PDE1C: variants seen among roughly 807,000 people sequenced by gnomAD.
PDE1C encodes the protein phosphodiesterase 1C.
Under a neutral mutation model 93.1 loss-of-function variants are expected in PDE1C, and 62 were observed. The ratio of observed to expected loss-of-function variants is 0.67; its 90% CI spans 0.54 to 0.82. The LOEUF (loss-of-function observed/expected upper bound fraction) is 0.82, where lower values mean the gene tolerates loss of function less well. Ranked by LOEUF, PDE1C falls within the 40% of genes least tolerant of loss-of-function variation. PDE1C has a pLI of 0.00. For synonymous variants in PDE1C, 325 were observed against 310.1 expected, an observed-to-expected ratio of 1.05 and a Z score of -0.50; for missense variants, 742 against 884.6, an observed-to-expected ratio of 0.84 and a Z score of 2.04.
intron 2 of PDE1C, among the ~76,000 whole-genome samples, chr7:32,019,193 G>T (rs936651141): frequency 6.6e-5 from 10 of 150,574 alleles, no homozygotes; most frequent in Non-Finnish European, 1.3e-4. Context: ...AAAGTCCAAG[G>T]TCCCTGGAAG....
chr7:32,318,681 A>G (rs893373527), intron 1 of PDE1C, among the ~76,000 whole-genome samples: 3 of 152,196 alleles, frequency 2.0e-5, no homozygotes, highest in African/African-American at 7.2e-5. Flanking sequence ...ACATGGGTGA[A>G]GGGCTGCGCG....
chr7:31,954,032 C>T (rs115113321), intron 2 of PDE1C, among the ~76,000 whole-genome samples: 9,665 of 152,256 alleles, frequency 0.063, 525 homozygotes, highest in African/African-American at 0.15. Context: ...GTAAGCAAAA[C>T]TCATGAATAT....
intron 2 of PDE1C, among the ~76,000 whole-genome samples, chr7:31,972,147 A>G (rs1202252860): frequency 6.6e-6 from 1 of 152,234 alleles, no homozygotes; most frequent in Non-Finnish European, 1.5e-5. Context: ...CTTATTTGCC[A>G]ATGATAATTT....
At chr7:32,289,695 A>G (rs932268069) in intron 1 of PDE1C, among the ~76,000 whole-genome samples, 3 of 152,160 alleles carry the variant, frequency 2.0e-5, no homozygotes, top group African/African-American at 7.2e-5. Context: ...GACCTTGAGC[A>G]AGTCACTTCT....
chr7:32,053,568 A>G lies in PDE1C; in HGVS notation c.102-1988T>C, dbSNP rs529097192. 1.1e-3 allele frequency among the ~76,000 whole-genome samples: 164 copies of G among 152,310 alleles called. 4 individuals carry two copies. In the South Asian group the frequency reaches 0.032, roughly 30 times the overall value. Reference sequence around the variant, plus strand: ...GGACCAAAGGCAAGGAGGCAGTTGGAAAAGAAGAATGCCCCTAGCCTCTAC... The same window carrying G: ...GGACCAAAGGCAAGGAGGCAGTTGGGAAAGAAGAATGCCCCTAGCCTCTAC... On this transcript the variant is annotated intron_variant, in intron 1 of 17. Coordinates refer to ENST00000396191, the MANE Select transcript of PDE1C (RefSeq NM_001191057.4).
intron 2 of PDE1C, among the ~76,000 whole-genome samples, chr7:31,934,559 T>TAAA (rs1804762152): frequency 1.5e-5 from 1 of 66,532 alleles, no homozygotes. Context: ...GCACCACCAA[T>TAAA]ACAAAAAAAA....
intron 1 of PDE1C, among the ~76,000 whole-genome samples, chr7:32,410,294 G>A (rs950592860): frequency 5.3e-5 from 8 of 151,506 alleles, no homozygotes; most frequent in Admixed American, 4.6e-4. Flanking sequence ...TCATGCTACT[G>A]CACTCCAGCC....
chr7:32,040,649 A>G (rs1791697035), intron 2 of PDE1C, among the ~76,000 whole-genome samples: 1 of 152,224 alleles, frequency 6.6e-6, no homozygotes, highest in African/African-American at 2.4e-5. Flanking sequence ...AGTGTTGTTT[A>G]CTCTGTGATA....
intron 1 of PDE1C, among the ~76,000 whole-genome samples, chr7:32,335,772 A>C (rs1445672146): frequency 6.6e-6 from 1 of 152,082 alleles, no homozygotes; most frequent in African/African-American, 2.4e-5. Context: ...TCTGTCACCT[A>C]GGCTGGAGTG....
intron 1 of PDE1C, among the ~76,000 whole-genome samples, chr7:32,401,200 T>C (rs1204222462): frequency 6.6e-6 from 1 of 152,240 alleles, no homozygotes; most frequent in Non-Finnish European, 1.5e-5. Context: ...GTAACAGACA[T>C]ATTCTATTTT....
At chr7:31,696,255 A>T in the PDE1C span, among the ~76,000 whole-genome samples, 1 of 152,126 alleles carries the variant, frequency 6.6e-6, no homozygotes, top group African/African-American at 2.4e-5. Context: ...ATTTACTGTC[A>T]TCTCTGTTCA....
At chr7:32,192,094 C>T (rs79744022) in intron 2 of PDE1C, among the ~76,000 whole-genome samples, 1 of 151,984 alleles carries the variant, frequency 6.6e-6, no homozygotes, top group Admixed American at 6.6e-5. Context: ...TTTGAGAATT[C>T]TTTATACATT....
At chr7:31,759,058 C>A (rs1295247072) in intron 17 of PDE1C, among the ~76,000 whole-genome samples, 1 of 152,206 alleles carries the variant, frequency 6.6e-6, no homozygotes, top group Non-Finnish European at 1.5e-5. Flanking sequence ...GTTGAACCTG[C>A]TGATATAGGT....
intron 1 of PDE1C, among the ~76,000 whole-genome samples, chr7:32,068,857 T>G (rs1214911720): frequency 6.6e-6 from 1 of 152,176 alleles, no homozygotes; most frequent in Non-Finnish European, 1.5e-5. Flanking sequence ...TTATACACTT[T>G]GGGCCCAGAC....
intron 7 of PDE1C, 120 bp from the exon 8 acceptor site, chr7:31,850,861 C>G: frequency 1.4e-6 from 1 of 714,228 alleles, no homozygotes. Context: ...TTGCCAAACA[C>G]AAGTTTTCTG....
At chr7:31,758,790 G>A (rs1794639162) in intron 17 of PDE1C, among the ~76,000 whole-genome samples, 2 of 152,118 alleles carry the variant, frequency 1.3e-5, no homozygotes, top group Admixed American at 6.5e-5. Flanking sequence ...AAGCAGTGCC[G>A]TTACCCTGGA....
chr7:32,329,424 G>A (rs1349286037), intron 1 of PDE1C, among the ~76,000 whole-genome samples: 1 of 152,048 alleles, frequency 6.6e-6, no homozygotes, highest in African/African-American at 2.4e-5. Context: ...AGACCACCTC[G>A]GAGCTCCCTC....
intron 3 of PDE1C, among the ~76,000 whole-genome samples, chr7:32,146,010 A>G (rs575862794): frequency 1.2e-4 from 18 of 152,284 alleles, no homozygotes; most frequent in Admixed American, 5.9e-4. Flanking sequence ...TCCAAGGAGA[A>G]AATTTAAGTA....
chr7:32,018,423 T>C (rs940284060), intron 2 of PDE1C, among the ~76,000 whole-genome samples: 4 of 152,110 alleles, frequency 2.6e-5, no homozygotes, highest in Admixed American at 6.6e-5. Context: ...ACAACCACAA[T>C]GTCCATCAAT....
Sources: gnomAD v4.1 joint callset for allele counts (sites outside exome capture counted in the v4.1 genomes callset) on GRCh38, gnomAD v4.1.1 for gene constraint, MANE v1.5 for transcripts, NCBI Gene and HGNC (gene_info 2026-07-23, HGNC 2026-07-21) for gene names.